The following PDE10A variants were observed in gnomAD, a reference collection of about 807,000 sequenced individuals.
The protein encoded by PDE10A is cAMP and cAMP-inhibited cGMP 3',5'-cyclic phosphodiesterase 10A.
In PDE10A, 39 loss-of-function variants were observed where a neutral mutation model predicts 97.7. The ratio of observed to expected loss-of-function variants is 0.40; its 90% confidence interval spans 0.31 to 0.52. The LOEUF (loss-of-function observed/expected upper bound fraction) is 0.52, where lower values mean the gene tolerates loss of function less well. PDE10A is among the 20% of genes least tolerant of loss of function. The probability of loss-of-function intolerance (pLI) is 0.56; values close to 1 mark genes in which losing one functional copy is unlikely to be tolerated. For synonymous variants in PDE10A, 371 were observed against 376.8 expected (o/e 0.98, Z 0.18); for missense variants, 731 against 1,047.8 (o/e 0.70, Z 4.17).
chr6:165,655,817 C>A lies in PDE10A; in HGVS notation c.865+6130G>T, dbSNP rs1042541002. On this transcript the variant is annotated intron_variant, in intron 1 of 21. Transcript: ENST00000539869. This position sits in a 1 kb window ranked among gnomAD's most constrained non-coding sequence, Gnocchi z 4.5. ...CAAAGCCTTCATCCGGCCCATTTGC[C>A]ACTTCACTTGCCACTGCCTGGTGGG... is the stretch of plus-strand genomic sequence containing the variant. Among the ~76,000 whole-genome samples, 3 of 152,112 alleles carry A rather than the reference C, an allele frequency of 2.0e-5. No homozygotes were observed. The highest frequency in any genetic ancestry group is 7.2e-5 in the African/African-American group (3 of 41,428).
At chr6:165,835,108 G>C (rs1485407698) in intron 1 of PDE10A, among the ~76,000 whole-genome samples, 1 of 152,174 alleles carries the variant, frequency 6.6e-6, no homozygotes, top group Non-Finnish European at 1.5e-5. Flanking sequence ...ACAGTGCAGA[G>C]AGAGGTGGGG....
intron 1 of PDE10A, among the ~76,000 whole-genome samples, chr6:165,977,227 T>C (rs1375602042): frequency 1.3e-5 from 2 of 152,168 alleles, no homozygotes; most frequent in South Asian, 2.1e-4. Flanking sequence ...AAAATCACAA[T>C]AGCACGAAAA....
At chr6:165,672,432 T>C (rs546591922) in intron 1 of PDE10A, among the ~76,000 whole-genome samples, 2 of 152,324 alleles carry the variant, frequency 1.3e-5, no homozygotes, top group South Asian at 2.1e-4. Flanking sequence ...TAATAAAGTG[T>C]TCAATATCTC....
chr6:165,931,514 G>A (rs1424315712), intron 1 of PDE10A, among the ~76,000 whole-genome samples: 1 of 152,216 alleles, frequency 6.6e-6, no homozygotes, highest in Non-Finnish European at 1.5e-5. Flanking sequence ...TCTGTGGTTT[G>A]CCATAAAATT....
At chr6:165,466,703 T>C (rs574390941) in intron 3 of PDE10A, among the ~76,000 whole-genome samples, 1 of 152,096 alleles carries the variant, frequency 6.6e-6, no homozygotes, top group African/African-American at 2.4e-5. Context: ...TATTCTCCCA[T>C]CTCCCCTCCT....
At position 165,333,030 on chromosome 6, in the gene PDE10A, C is replaced by T; in HGVS notation, c.3163G>A (p.Asp1055Asn). The part of the protein sequence containing the change: ...SVAQKAAASE[D>N] Reference sequence around the variant, plus strand: ...CGTGTCAGGGTGACCAGTGCTCAATCTTCAGATGCAGCTGCCTTCTGAGCC... The same window carrying T: ...CGTGTCAGGGTGACCAGTGCTCAATTTTCAGATGCAGCTGCCTTCTGAGCC... Residue 1055 changes from aspartate (D) to asparagine (N), a missense_variant, in exon 22 of 22, where the codon GAT becomes AAT. Asp to Asn is a conservative substitution (Grantham distance 23). Around this residue, in one of 8 missense-constraint regions of PDE10A, gnomAD observed 34 missense variants for 29.7 expected, o/e 1.14. Coordinates refer to ENST00000539869, the MANE Select transcript of PDE10A (RefSeq NM_001385079.1). 1.3e-6 allele frequency: 2 copies of T among 1,586,540 alleles called. No homozygotes were observed. Among genetic ancestry groups the T allele is most frequent in the Non-Finnish European group, 1.7e-6 (2 of 1,158,254 alleles).
At chr6:165,747,291 T>C (rs1792864819) in intron 1 of PDE10A, among the ~76,000 whole-genome samples, 1 of 152,222 alleles carries the variant, frequency 6.6e-6, no homozygotes, top group South Asian at 2.1e-4. Context: ...GTGGTAGAGA[T>C]ACATAGGCTT....
intron 1 of PDE10A, among the ~76,000 whole-genome samples, chr6:165,972,564 C>T (rs1242926521): frequency 6.6e-6 from 1 of 152,270 alleles, no homozygotes; most frequent in African/African-American, 2.4e-5. Flanking sequence ...GGAGACACAG[C>T]GCACCCAAGC....
chr6:165,889,918 AC>A (rs149975607), intron 1 of PDE10A, among the ~76,000 whole-genome samples: 4 of 5,042 alleles, frequency 7.9e-4, no homozygotes, highest in South Asian at 0.026. Flanking sequence ...TCCCTCCCTC[AC>A]TCCTCACTCC....
rs561928604 is a variant in PDE10A at position 165,926,255 on chromosome 6, A to T, written c.-615+61274T>A. Among the ~76,000 whole-genome samples, 15 of 152,324 alleles carry T rather than the reference A, an allele frequency of 9.8e-5. No individual in the cohort carries two copies. In the East Asian group the frequency reaches 2.5e-3, roughly 25 times the overall value. On this transcript the variant is annotated intron_variant, in intron 1 of 19. Coordinates refer to the PDE10A transcript ENST00000366882. ...AAGGCAGGACCTGAGATGTTCACTG[A>T]TAAAGCCAGTTCTAGTAAGAAGCCA...
chr6:165,813,020 C>G (rs146458106), intron 1 of PDE10A, among the ~76,000 whole-genome samples: 1 of 152,148 alleles, frequency 6.6e-6, no homozygotes, highest in Non-Finnish European at 1.5e-5. Flanking sequence ...CCTTGATGAT[C>G]AAGTTAATAA....
At chr6:165,572,944 A>T (rs868163361) in intron 1 of PDE10A, among the ~76,000 whole-genome samples, 1 of 152,218 alleles carries the variant, frequency 6.6e-6, no homozygotes, top group South Asian at 2.1e-4. Context: ...ACTTTGTTCA[A>T]CTAGCGTTCA....
In PDE10A at chr6:165,723,507, G is replaced by A. The variant is rs146949505; in HGVS notation, c.-614-179939C>T. On this transcript the variant is annotated intron_variant, in intron 1 of 19. Transcript: ENST00000366882. ...CCCGGTAGTGGGATTTGCTCCTGAC[G>A]GCACAGGCAGGCCGAGCTGGAATTC... Among the ~76,000 whole-genome samples, 1,346 of 152,256 alleles carry A rather than the reference G, an allele frequency of 8.8e-3. 18 individuals are homozygous for A. The highest frequency in any genetic ancestry group is 0.03 in the African/African-American group (1,257 of 41,548).
At chr6:165,369,310 C>G (rs1416380466) in intron 18 of PDE10A, among the ~76,000 whole-genome samples, 1 of 151,358 alleles carries the variant, frequency 6.6e-6, no homozygotes, top group Non-Finnish European at 1.5e-5. Context: ...AAACCAAAGA[C>G]AAAGAAGCTG....
intron 19 of PDE10A, among the ~76,000 whole-genome samples, chr6:165,342,602 T>C (rs1782037517): frequency 1.3e-5 from 2 of 152,258 alleles, no homozygotes; most frequent in African/African-American, 4.8e-5. Context: ...TTCTTCTGTA[T>C]GAATGAGATA....
chr6:165,475,912 T>C (rs2128276643), intron 3 of PDE10A, among the ~76,000 whole-genome samples: 1 of 152,174 alleles, frequency 6.6e-6, no homozygotes, highest in East Asian at 1.9e-4. Flanking sequence ...TGTGATCAAC[T>C]CCCCCTGTGA....
At chr6:165,965,795 G>A (rs968831297) in intron 1 of PDE10A, among the ~76,000 whole-genome samples, 3 of 152,194 alleles carry the variant, frequency 2.0e-5, no homozygotes, top group African/African-American at 7.2e-5. Flanking sequence ...AAGGTAATAT[G>A]TAGCTGGGGC....
intron 1 of PDE10A, among the ~76,000 whole-genome samples, chr6:165,691,106 TCC>T (rs35264122): frequency 0.013 from 528 of 39,126 alleles, 60 homozygotes; most frequent in African/African-American, 0.045. Flanking sequence ...TCTTTCTCTC[TCC>T]CCCCCCCCAT....
intron 1 of PDE10A, among the ~76,000 whole-genome samples, chr6:165,602,646 A>G (rs1024142820): frequency 2.6e-5 from 4 of 152,214 alleles, no homozygotes; most frequent in African/African-American, 9.7e-5. Flanking sequence ...TGAAATTTGA[A>G]AAAGGTACTT....
Sources: allele counts gnomAD v4.1 joint callset (sites outside exome capture counted in the v4.1 genomes callset), GRCh38; gene constraint gnomAD v4.1.1; regional missense constraint gnomAD v4.1.1; non-coding constraint Gnocchi (gnomAD v3.1); transcripts MANE v1.5; gene names NCBI Gene and HGNC (gene_info 2026-07-23, HGNC 2026-07-21).